Variants in ZC3H11A observed in about 807,000 individuals in gnomAD.
ZC3H11A encodes zinc finger CCCH-type containing 11A, also known as zinc finger CCCH domain-containing protein 11A.
A neutral mutation model predicts 90.8 loss-of-function variants in ZC3H11A; 22 were observed. That is an observed-to-expected ratio of 0.24 (90% confidence interval 0.17 to 0.35). The LOEUF (loss-of-function observed/expected upper bound fraction) is 0.35. ZC3H11A is among the 10% of genes least tolerant of loss of function. The probability of loss-of-function intolerance (pLI) is 1.00; values close to 1 mark genes in which losing one functional copy is unlikely to be tolerated. For missense variants in ZC3H11A, 701 were observed against 964.9 expected (o/e 0.73, Z 3.62); for synonymous variants, 294 against 339.8 (o/e 0.87, Z 1.48).
intron 16 of ZC3H11A, 152 bp downstream of exon 16, chr1:203,850,833 C>A: frequency 8.0e-7 from 1 of 1,247,062 alleles, no homozygotes; most frequent in Non-Finnish European, 1.1e-6. Context: ...TTTATACTTA[C>A]AGTTTGATAT....
chr1:203,841,818 G>A (rs1166898782), intron 12 of ZC3H11A, among the ~76,000 whole-genome samples: 1 of 146,300 alleles, frequency 6.8e-6, no homozygotes, highest in Non-Finnish European at 1.5e-5. Context: ...CGGCTGCCGG[G>A]CGGAGGGGCT....
rs79310402 is a variant in ZC3H11A at position 203,805,711 on chromosome 1, G to A, written c.-146+2695G>A. On this transcript the variant is annotated intron_variant, in intron 2 of 17. Transcript: ENST00000367210. ...GGGAACACCTTCTGGAATTGCAGGT[G>A]CAGATGCTGGCTCATCTAAATAGAA... 2,991 of 660,244 alleles carry A rather than the reference G, an allele frequency of 4.5e-3. 63 individuals carry two copies. The highest frequency in any genetic ancestry group is 0.029 in the East Asian group (783 of 26,586). 40.9% of individuals were successfully genotyped at this position (660,244 alleles called of 1,614,324 possible).
intron 10 of ZC3H11A, among the ~76,000 whole-genome samples, chr1:203,837,492 C>T (rs1239434869): frequency 1.3e-5 from 2 of 149,162 alleles, no homozygotes; most frequent in Admixed American, 6.7e-5. Flanking sequence ...CTTGCTGTAT[C>T]GCCCAGGCAG....
At chr1:203,828,481 A>G in intron 5 of ZC3H11A, 59 bp downstream of exon 5, 1 of 1,541,932 alleles carries the variant, frequency 6.5e-7, no homozygotes, top group Non-Finnish European at 8.8e-7. Flanking sequence ...TGCACACTGT[A>G]CAACAGTACT....
At chr1:203,814,840 T>A (rs1449150736) in intron 2 of ZC3H11A, 1 of 152,200 alleles carries the variant, frequency 6.6e-6, no homozygotes, top group East Asian at 1.9e-4. Context: ...AAATCATTTG[T>A]TTATTTTTGA....
At chr1:203,809,414 A>T (rs1269302928) in intron 2 of ZC3H11A, among the ~76,000 whole-genome samples, 1 of 150,392 alleles carries the variant, frequency 6.6e-6, no homozygotes, top group Non-Finnish European at 1.5e-5. Flanking sequence ...TGACCTCGTG[A>T]TCCGCCCATC....
chr1:203,818,291 T>TATATA lies in ZC3H11A; in HGVS notation c.55-279_55-278insATATA, dbSNP rs1314531599. ...TGAAGATGAACTGTAAAATACATTTTTAAAGAGGACCTAACACTCCTACTT... is the reference window on the plus strand; with the variant it reads ...TGAAGATGAACTGTAAAATACATTTTATATATAAAGAGGACCTAACACTCCTACTT... On this transcript the variant is annotated intron_variant, in intron 3 of 17. Transcript: ENST00000367210. 3.2e-3 allele frequency among the ~76,000 whole-genome samples: 493 copies of TATATA among 152,190 alleles called. 4 individuals are homozygous for TATATA. The highest frequency in any genetic ancestry group is 5.9e-3 in the Non-Finnish European group (400 of 67,908).
At chr1:203,850,989 A>C in intron 16 of ZC3H11A, 68 bp from the exon 17 acceptor site, 1 of 1,559,732 alleles carries the variant, frequency 6.4e-7, no homozygotes, top group South Asian at 1.1e-5. Flanking sequence ...AAGGCAGCAA[A>C]AGAAAATGAA....
At chr1:203,819,659 C>T (rs907780401) in intron 4 of ZC3H11A, among the ~76,000 whole-genome samples, 8 of 149,978 alleles carry the variant, frequency 5.3e-5, no homozygotes, top group Non-Finnish European at 1.2e-4. Flanking sequence ...CTCAGCCTCC[C>T]GAGTAGCTAG....
intron 2 of ZC3H11A, among the ~76,000 whole-genome samples, chr1:203,806,951 T>C (rs530357857): frequency 1.3e-5 from 2 of 152,192 alleles, no homozygotes; most frequent in South Asian, 4.1e-4. Flanking sequence ...TTTTTTTGTT[T>C]TTTACCCCTT....
intron 10 of ZC3H11A, among the ~76,000 whole-genome samples, chr1:203,834,477 G>C (rs1683549679): frequency 6.6e-6 from 1 of 152,024 alleles, no homozygotes; most frequent in African/African-American, 2.4e-5. Flanking sequence ...TCACCATGTT[G>C]CCCAGGCTGG....
chr1:203,849,720 G>A lies in ZC3H11A; in HGVS notation c.1633G>A (p.Glu545Lys). 6.2e-7 allele frequency: 1 copy of A among 1,613,960 alleles called. No individual in the cohort carries two copies. Among genetic ancestry groups the A allele is most frequent in the Non-Finnish European group, 8.5e-7 (1 of 1,179,862 alleles). Residue 545 changes from glutamate to lysine, a missense_variant, in exon 15 of 18, where the codon GAG becomes AAG. Glu to Lys is a moderately conservative substitution (Grantham distance 56, BLOSUM62 1). Coordinates refer to ENST00000367210, the MANE Select transcript of ZC3H11A (RefSeq NM_001376342.1). ...TCAAATTTATCCACAGGCTTCAGGT[G>A]AGACCACAGGAGTTGACATCACTAA... is the stretch of plus-strand genomic sequence containing the variant. ...IRTEAKEASG[E>K]TTGVDITKIQ...
intron 9 of ZC3H11A, among the ~76,000 whole-genome samples, chr1:203,832,470 C>T (rs1050574867): frequency 6.6e-6 from 1 of 152,122 alleles, no homozygotes; most frequent in Non-Finnish European, 1.5e-5. Context: ...AAGTGATTCT[C>T]CTGCTTCAGC....
At chr1:203,816,817 G>C in intron 2 of ZC3H11A, 109 bp from the exon 3 acceptor site, 1 of 413,846 alleles carries the variant, frequency 2.4e-6, no homozygotes, top group East Asian at 4.1e-5. Context: ...GTATAAGCAA[G>C]GTCGTATTAA....
chr1:203,812,173 A>C (rs894486194), intron 2 of ZC3H11A, among the ~76,000 whole-genome samples: 4 of 152,170 alleles, frequency 2.6e-5, no homozygotes, highest in African/African-American at 9.7e-5. Flanking sequence ...TTTGTTACAC[A>C]GGTAAATGTG....
intron 10 of ZC3H11A, among the ~76,000 whole-genome samples, chr1:203,836,605 A>G (rs989514606): frequency 6.6e-6 from 1 of 152,108 alleles, no homozygotes. Flanking sequence ...TACTACAAAA[A>G]AGTCTACTAA....
At chr1:203,826,153 A>G (rs1430733265) in intron 4 of ZC3H11A, among the ~76,000 whole-genome samples, 3 of 152,188 alleles carry the variant, frequency 2.0e-5, no homozygotes, top group African/African-American at 7.2e-5. Context: ...AGTGGTAGCT[A>G]TTACATCTAC....
intron 2 of ZC3H11A, among the ~76,000 whole-genome samples, chr1:203,808,358 A>G (rs1673089540): frequency 6.6e-6 from 1 of 152,128 alleles, no homozygotes; most frequent in African/African-American, 2.4e-5. Flanking sequence ...TTTTCCTGAA[A>G]GTTTGTATGA....
chr1:203,798,419 C>T (rs780630170), intron 1 of ZC3H11A: 5 of 1,533,856 alleles, frequency 3.3e-6, no homozygotes, highest in Non-Finnish European at 3.5e-6. Context: ...GGCCAGGGTC[C>T]CACTTAGGGA....
Sources: allele counts gnomAD v4.1 joint callset (sites outside exome capture counted in the v4.1 genomes callset), GRCh38; gene constraint gnomAD v4.1.1; transcripts MANE v1.5; gene names NCBI Gene and HGNC (gene_info 2026-07-23, HGNC 2026-07-21).